AMOT: variants seen among roughly 807,000 people sequenced by gnomAD.
AMOT encodes angiomotin.
In AMOT, 11 loss-of-function variants were observed where a neutral mutation model predicts 67.0. The ratio of observed to expected loss-of-function variants is 0.16; its 90% CI spans 0.10 to 0.27. AMOT has a LOEUF of 0.27. Among genes scored for constraint, AMOT ranks in the 10% least tolerant of loss-of-function variants. The pLI is 1.00. For missense variants in AMOT, 753 were observed against 852.0 expected, an observed-to-expected ratio of 0.88 and a Z score of 1.45; for synonymous variants, 326 against 321.4, an observed-to-expected ratio of 1.01 and a Z score of -0.15.
rs1043521615 is a variant in AMOT, at chrX:112,809,969, T to C, written c.1555A>G (p.Asn519Asp). 1.7e-6 allele frequency: 2 copies of C among 1,208,933 alleles called. No individual in the cohort carries two copies. Among genetic ancestry groups the C allele is most frequent in the African/African-American group, 3.5e-5 (2 of 57,213 alleles). ...TATTCCTTCTCTGCAAGCTGCTTGT[T>C]GGCAGTCTCTAGACGCTCTGTGAAA... ...RDLRERLETA[N>D]KQLAEKEYEG... Residue 519 changes from asparagine (N) to aspartate (D), a missense_variant, in exon 7 of 14, where the codon AAC becomes GAC. This residue lies in a region of AMOT where 297 missense variants were observed against 284.3 expected (regional missense o/e 1.04). Transcript: ENST00000371959.
At chrX:112,816,161 G>A (rs181822098) in intron 4 of AMOT, among the ~76,000 whole-genome samples, 1 of 111,887 alleles carries the variant, frequency 8.9e-6, no homozygotes, top group Non-Finnish European at 1.9e-5. Flanking sequence ...TGTGAAAATC[G>A]TAGTGATACA....
chrX:112,823,174 T>G lies in AMOT; in HGVS notation c.-48A>C. The G allele has an allele frequency of 9.0e-7, 1 of 1,105,677 alleles. No homozygotes were observed. Among genetic ancestry groups the G allele is most frequent in the African/African-American group, 1.8e-5 (1 of 54,646 alleles). The allele number at this position is 1,105,677 out of a possible 1,213,427, so 91.1% of individuals were successfully genotyped here. On this transcript the variant is annotated 5_prime_UTR_variant, in exon 4 of 14. Coordinates refer to ENST00000371959, the MANE Select transcript of AMOT (RefSeq NM_001113490.2). ...TGAAGAGAGAGAGAAATTGGGCACC[T>G]GGGCTGCCCTTGACCTGGGAAGGGG...
At chrX:112,835,732 C>T (rs765261202) in intron 1 of AMOT, among the ~76,000 whole-genome samples, 13 of 110,951 alleles carry the variant, frequency 1.2e-4, no homozygotes, top group South Asian at 3.9e-4. Flanking sequence ...TACAGGCATG[C>T]GCCACCATAC....
rs746688670 is a variant in AMOT at position 112,775,085 on chromosome X, A to T, written c.*3482T>A. ...ATTTTACAAACACATGCCATTAATC[A>T]CAAGGGAGGCCAGAAGGAGGTTTCA... is the stretch of plus-strand genomic sequence containing the variant. On this transcript the variant is annotated 3_prime_UTR_variant, in exon 14 of 14. Transcript: ENST00000371959. The T allele has an allele frequency of 5.4e-5, 6 of 112,082 alleles. No individual in the cohort carries two copies. The highest frequency in any genetic ancestry group is 1.9e-4 in the African/African-American group (6 of 30,869). The allele number at this position is 112,082 out of a possible 1,213,427, so 9.2% of individuals were successfully genotyped here.
chrX:112,795,151 A>G (rs1317065510), intron 8 of AMOT, among the ~76,000 whole-genome samples: 3 of 111,399 alleles, frequency 2.7e-5, no homozygotes, highest in Non-Finnish European at 5.7e-5. Context: ...TTTACCTAAT[A>G]TAAAAAGTAC....
chrX:112,810,530 A>G (rs1432705656), intron 6 of AMOT, among the ~76,000 whole-genome samples: 9 of 110,870 alleles, frequency 8.1e-5, no homozygotes, highest in Non-Finnish European at 3.8e-5. Flanking sequence ...CCAACGTGGC[A>G]AAACCCCATC....
chrX:112,816,712 A>G (rs765178192), intron 4 of AMOT, among the ~76,000 whole-genome samples: 66 of 111,758 alleles, frequency 5.9e-4, no homozygotes, highest in Middle Eastern at 4.6e-3. Flanking sequence ...CCAAGATAGA[A>G]TCCTTCTTTC....
At chrX:112,780,695 G>A (rs749126893) in intron 12 of AMOT, 191 bp downstream of exon 12, 40 of 440,138 alleles carry the variant, frequency 9.1e-5, no homozygotes, top group Admixed American at 3.6e-4. Flanking sequence ...TATTCTCACC[G>A]GGAGACTTCA....
At chrX:112,781,455 A>C (rs1047525332) in intron 11 of AMOT, among the ~76,000 whole-genome samples, 11 of 108,828 alleles carry the variant, frequency 1.0e-4, no homozygotes, top group South Asian at 4.0e-4. Context: ...AAAAAAAAAA[A>C]AAAAAAAAAA....
At chrX:112,812,964 G>A (rs181681557) in intron 5 of AMOT, among the ~76,000 whole-genome samples, 89 of 112,838 alleles carry the variant, frequency 7.9e-4, no homozygotes, top group African/African-American at 2.5e-3. Context: ...GGTGAAAACT[G>A]GTGAATGGCA....
chrX:112,831,488 T>TAAATAAATAAAA (rs1556248502), intron 2 of AMOT, among the ~76,000 whole-genome samples: 1 of 103,187 alleles, frequency 9.7e-6, no homozygotes, highest in Non-Finnish European at 1.9e-5. Flanking sequence ...AATAAATAAA[T>TAAATAAATAAAA]AAAAAGAGAG....
At chrX:112,800,278 A>T (rs1933971460) in intron 8 of AMOT, among the ~76,000 whole-genome samples, 1 of 111,875 alleles carries the variant, frequency 8.9e-6, no homozygotes, top group Admixed American at 9.5e-5. Flanking sequence ...GAACAAAAGA[A>T]AGAAAGAAAA....
intron 2 of AMOT, among the ~76,000 whole-genome samples, chrX:112,827,136 C>T (rs7878047): frequency 0.038 from 4,249 of 112,661 alleles, 187 homozygotes; most frequent in African/African-American, 0.13. Flanking sequence ...GGATTACAGG[C>T]GTGAGCCACC....
Position 112,779,154 on chromosome X carries a change from C to T in AMOT, c.3000G>A (p.Gln1000=). ...PAAAQASAPA[Q]TQAPTSAPAV... ...CCGGAGCTGAAGTTGGTGCCTGAGT[C>T]TGAGCAGGAGCAGAAGCCTGAGCCG... Residue 1000 remains glutamine (Q), a synonymous_variant, in exon 13 of 14, where the codon CAG becomes CAA. Coordinates refer to ENST00000371959, the MANE Select transcript of AMOT (RefSeq NM_001113490.2). The T allele has an allele frequency of 1.0e-6, 1 of 958,917 alleles. No individual in the cohort carries two copies. The highest frequency in any genetic ancestry group is 1.5e-6 in the Non-Finnish European group (1 of 664,666). The allele number at this position is 958,917 out of a possible 1,213,427, so 79.0% of individuals were successfully genotyped here.
intron 10 of AMOT, among the ~76,000 whole-genome samples, chrX:112,788,231 G>A (rs1037703556): frequency 9.2e-6 from 1 of 108,869 alleles, no homozygotes; most frequent in Non-Finnish European, 1.9e-5. Flanking sequence ...GGAGGCTGCA[G>A]TGAGCCGAGA....
In AMOT at chrX:112,779,182, G is replaced by T; in HGVS notation, c.2972C>A (p.Ala991Glu). Reference protein sequence around the residue: ...APALVPVPAPAAAQASAPAQT... With the variant: ...APALVPVPAPEAAQASAPAQT... ...AGCAGGAGCAGAAGCCTGAGCCGCT[G>T]CTGGAGCTGGAACCGGAACCAGAGC... The change falls in exon 13 of 14, where the codon GCA becomes GAA. Residue 991 changes from alanine to glutamate, a missense_variant. This residue lies in a region of AMOT where 269 missense variants were observed against 300.9 expected (regional missense o/e 0.89). Transcript: ENST00000371959. The T allele has an allele frequency of 2.4e-6, 2 of 823,656 alleles. No homozygotes were observed. The highest frequency in any genetic ancestry group is 3.7e-6 in the Non-Finnish European group (2 of 541,239). 67.9% of individuals were successfully genotyped at this position (823,656 alleles called of 1,213,427 possible).
At chrX:112,788,892 C>T (rs1001803153) in intron 10 of AMOT, among the ~76,000 whole-genome samples, 6 of 112,371 alleles carry the variant, frequency 5.3e-5, no homozygotes, top group African/African-American at 1.9e-4. Context: ...TTAAATCTAC[C>T]TTGTGGGAGC....
chrX:112,831,445 CAATAAATAAATAAATAAATA>C (rs35986965), intron 2 of AMOT, among the ~76,000 whole-genome samples: 3 of 94,592 alleles, frequency 3.2e-5, no homozygotes, highest in South Asian at 5.1e-4. Flanking sequence ...CCTAGGGTGG[CAATAAATAAATAAATAAATA>C]AATAAATAAA....
intron 8 of AMOT, among the ~76,000 whole-genome samples, chrX:112,803,778 A>G: frequency 8.9e-6 from 1 of 112,724 alleles, no homozygotes. Flanking sequence ...CAGTAAAGAT[A>G]CCTCATATAC....
Sources: allele counts gnomAD v4.1 joint callset (sites outside exome capture counted in the v4.1 genomes callset), GRCh38; gene constraint gnomAD v4.1.1; regional missense constraint gnomAD v4.1.1; transcripts MANE v1.5; gene names NCBI Gene and HGNC (gene_info 2026-07-23, HGNC 2026-07-21).